CEP295NL: variants seen among roughly 807,000 people sequenced by gnomAD.
CEP295NL encodes the protein protein DDC8 homolog.
A neutral mutation model predicts 4.6 loss-of-function variants in CEP295NL; 3 were observed. The observed-to-expected ratio is 0.65, with a 90% CI of 0.30 to 1.69. The LOEUF (loss-of-function observed/expected upper bound fraction) is 1.69, where lower values mean the gene tolerates loss of function less well. Ranked by LOEUF, CEP295NL falls within the 40% of genes most tolerant of loss-of-function variation. CEP295NL has a pLI of 0.10. For missense variants in CEP295NL, 719 were observed against 769.0 expected (o/e 0.93, Z 0.77); for synonymous variants, 295 against 312.2 (o/e 0.94, Z 0.58).
In CEP295NL at chr17:78,892,248, G is replaced by C. The variant is rs372727694; in HGVS notation, c.256C>G (p.Arg86Gly). 6.4e-7 allele frequency: 1 copy of C among 1,550,848 alleles called. No homozygotes were observed. The highest frequency in any genetic ancestry group is 1.2e-5 in the South Asian group (1 of 84,064). Residue 86 changes from arginine to glycine, a missense_variant, in exon 3 of 3, where the codon CGG becomes GGG. Physicochemically the swap from Arg to Gly is moderately radical, Grantham distance 125. Coordinates refer to ENST00000322630, the MANE Select transcript of CEP295NL (RefSeq NM_001243540.2). ...TGCAGAGCGAGATCGCCTTTGCCCCGGGCTTGTAGCAATTTGTGCTTTTTC... is the reference window on the plus strand; with the variant it reads ...TGCAGAGCGAGATCGCCTTTGCCCCCGGCTTGTAGCAATTTGTGCTTTTTC... ...WRKKHKLLQA[R>G]GKGDLALQRR...
At chr17:78,900,110 T>C (rs971499858) in intron 2 of CEP295NL, 2 of 152,192 alleles carry the variant, frequency 1.3e-5, no homozygotes, top group African/African-American at 4.8e-5. Context: ...GCTTTTAAAA[T>C]GTAAAGAACA....
intron 2 of CEP295NL, among the ~76,000 whole-genome samples, chr17:78,893,787 C>G (rs2069956297): frequency 6.6e-6 from 1 of 152,102 alleles, no homozygotes; most frequent in Admixed American, 6.5e-5. Context: ...CAGAGAAGGA[C>G]TCTTCCAGGT....
At position 78,890,853 on chromosome 17, in the gene CEP295NL, C is replaced by T. The variant is rs1567999317; in HGVS notation, c.1651G>A (p.Ala551Thr). 1 of 1,550,578 alleles carries T rather than the reference C, an allele frequency of 6.4e-7. No homozygotes were observed. The highest frequency in any genetic ancestry group is 2.0e-5 in the Admixed American group (1 of 51,000). The change falls in exon 3 of 3, where the codon GCC becomes ACC. Residue 551 changes from alanine (A) to threonine (T), a missense_variant. Transcript: ENST00000322630. ...ERREQRRARL[A>T]HLKSSSTRAQ... ...CTCGTGGAGGAGGACTTCAGATGGG[C>T]CAGTCGAGCTCTTCTTTGCTCCCTC...
rs1246083660 is a variant in CEP295NL, at chr17:78,891,387, G to A, written c.1117C>T (p.Pro373Ser). 1.9e-6 allele frequency: 3 copies of A among 1,550,678 alleles called. No individual in the cohort carries two copies. Among genetic ancestry groups the A allele is most frequent in the East Asian group, 2.4e-5 (1 of 40,912 alleles). The change falls in exon 3 of 3, where the codon CCT (proline) becomes TCT (serine). Residue 373 changes from proline (P) to serine (S), a missense_variant. Physicochemically the swap from Pro to Ser is moderately conservative, Grantham distance 74 (BLOSUM62 -1). Coordinates refer to ENST00000322630, the MANE Select transcript of CEP295NL (RefSeq NM_001243540.2). The surrounding 1 kb of genome is among the most constrained non-coding windows in gnomAD (Gnocchi z 4.5). The part of the protein sequence containing the change: ...LALKPRMDQR[P>S]GEGHAFSEMQ... ...TCTGAGAAGGCATGCCCTTCCCCAGGTCTCTGGTCCATCCTGGGCTTCAGT... is the reference window on the plus strand; with the variant it reads ...TCTGAGAAGGCATGCCCTTCCCCAGATCTCTGGTCCATCCTGGGCTTCAGT...
In CEP295NL at chr17:78,892,420, G is replaced by C; in HGVS notation, c.84C>G (p.Gly28=). 1 of 1,550,028 alleles carries C rather than the reference G, an allele frequency of 6.5e-7. No homozygotes were observed. The highest frequency in any genetic ancestry group is 1.4e-5 in the African/African-American group (1 of 73,170). The change falls in exon 3 of 3, where the codon GGC becomes GGG. Residue 28 remains glycine (G), a synonymous_variant. Coordinates refer to ENST00000322630, the MANE Select transcript of CEP295NL (RefSeq NM_001243540.2). ...TGGAGGGTTCAAGGGGCGCCCCCGG[G>C]CCTGAGGAGCCACAGAAGCCACAAC... ...VERCGFCGSS[G]PGAPLEPSTL...
chr17:78,897,225 G>A (rs1471099820), intron 2 of CEP295NL: 1 of 153,276 alleles, frequency 6.5e-6, no homozygotes, highest in Non-Finnish European at 1.4e-5. Flanking sequence ...CCAGAATGGG[G>A]GCTCCACAGT....
chr17:78,890,602 T>C lies in CEP295NL; in HGVS notation c.*36A>G, dbSNP rs2145767477. On this transcript the variant is annotated 3_prime_UTR_variant, in exon 3 of 3. Transcript: ENST00000322630. Reference sequence around the variant, plus strand: ...GGTACCAGTGCTGGCAGCACCATTATCAGTGATGTATTTACCCCGGGTGGG... The same window carrying C: ...GGTACCAGTGCTGGCAGCACCATTACCAGTGATGTATTTACCCCGGGTGGG... 1 of 1,532,316 alleles carries C rather than the reference T, an allele frequency of 6.5e-7. No homozygotes were observed. The highest frequency in any genetic ancestry group is 8.8e-7 in the Non-Finnish European group (1 of 1,134,986). 94.9% of individuals were successfully genotyped at this position (1,532,316 alleles called of 1,614,324 possible). A position where few individuals can be genotyped will look rare whatever the true frequency, so the allele number is the denominator to read the frequency against.
At chr17:78,901,646 C>T (rs1370747355) in intron 2 of CEP295NL, 139 bp downstream of exon 2, 1 of 702,206 alleles carries the variant, frequency 1.4e-6, no homozygotes, top group Non-Finnish European at 2.6e-6. Flanking sequence ...TGACCTAGGC[C>T]AAGCGACTTC....
rs932392092 is a variant in CEP295NL, at chr17:78,896,734, C to T, written c.45-4275G>A. ...CGCGCTCGGAGCAGCAGAAGGAAGGCGAGTGGACACCAATCTGGCCTCCGG... is the reference window on the plus strand; with the variant it reads ...CGCGCTCGGAGCAGCAGAAGGAAGGTGAGTGGACACCAATCTGGCCTCCGG... On this transcript the variant is annotated intron_variant, in intron 2 of 2. Transcript: ENST00000322630. This position sits in a 1 kb window ranked among gnomAD's most constrained non-coding sequence, Gnocchi z 4.4. 3.3e-5 allele frequency among the ~76,000 whole-genome samples: 5 copies of T among 152,152 alleles called. 1 individual carries two copies. The South Asian group carries it at 8.3e-4, about 25-fold the overall frequency.
chr17:78,893,398 C>CGCGT (rs1216572988), intron 2 of CEP295NL, among the ~76,000 whole-genome samples: 4 of 53,172 alleles, frequency 7.5e-5, no homozygotes, highest in Admixed American at 1.9e-4. Flanking sequence ...GGTGTGTATG[C>CGCGT]AGGGGTGTGT....
rs935807728 is a variant in CEP295NL at position 78,896,757 on chromosome 17, C to T, written c.45-4298G>A. On this transcript the variant is annotated intron_variant, in intron 2 of 2. Transcript: ENST00000322630. This position sits in a 1 kb window ranked among gnomAD's most constrained non-coding sequence, Gnocchi z 4.4. The stretch of plus-strand genomic sequence containing the variant: ...GGCGAGTGGACACCAATCTGGCCTC[C>T]GGACGGCACCAGGGCCTCCCACAGA... 1.3e-5 allele frequency among the ~76,000 whole-genome samples: 2 copies of T among 152,120 alleles called. No homozygotes were observed. Among genetic ancestry groups the T allele is most frequent in the Admixed American group, 1.3e-4 (2 of 15,266 alleles).
intron 1 of CEP295NL, chr17:78,902,553 G>A (rs1278726815): frequency 6.6e-6 from 1 of 152,392 alleles, no homozygotes; most frequent in Non-Finnish European, 1.5e-5. Context: ...CCATATCCTG[G>A]GCTGGGTCAG....
chr17:78,890,718 T>TCTG lies in CEP295NL; in HGVS notation c.1783_1785dup (p.Gln595dup). On this transcript the variant is annotated inframe_insertion, in exon 3 of 3. Coordinates refer to ENST00000322630, the MANE Select transcript of CEP295NL (RefSeq NM_001243540.2). ...TTGTGCAACCTGTTTTGCTGTAAGA[T>TCTG]CTGCTGCTGCTGGTCTCGGATCATC... 6.4e-7 allele frequency: 1 copy of TCTG among 1,550,632 alleles called. No individual in the cohort carries two copies. Among genetic ancestry groups the TCTG allele is most frequent in the Non-Finnish European group, 8.7e-7 (1 of 1,146,994 alleles).
chr17:78,890,708 T>C lies in CEP295NL; in HGVS notation c.1796A>G (p.Gln599Arg), dbSNP rs1393973838. Residue 599 changes from glutamine to arginine, a missense_variant, in exon 3 of 3, where the codon CAA becomes CGA. Coordinates refer to ENST00000322630, the MANE Select transcript of CEP295NL (RefSeq NM_001243540.2). ...AAGAAACTGCTTGTGCAACCTGTTT[T>C]GCTGTAAGATCTGCTGCTGCTGGTC... ...IRDQQQQILQ[Q>R]NRLHKQFLEE... 1.9e-6 allele frequency: 3 copies of C among 1,550,504 alleles called. No individual in the cohort carries two copies. Among genetic ancestry groups the C allele is most frequent in the East Asian group, 2.4e-5 (1 of 40,928 alleles).
intron 2 of CEP295NL, 85 bp from the exon 3 acceptor site, chr17:78,892,544 T>C: frequency 6.8e-7 from 1 of 1,467,234 alleles, no homozygotes; most frequent in South Asian, 1.4e-5. Context: ...CACGGGATTC[T>C]CACTGTGAGG....
In CEP295NL at chr17:78,892,782, G is replaced by A. The variant is rs532112418; in HGVS notation, c.45-323C>T. Among the ~76,000 whole-genome samples, 7 of 152,254 alleles carry A rather than the reference G, an allele frequency of 4.6e-5. No homozygotes were observed. The South Asian group carries it at 8.3e-4, about 18-fold the overall frequency. ...TCCGGGCCTGCAGCTGGGTGGAGGC[G>A]AGGGAGGCTGCTGAATACCCCACAC... On this transcript the variant is annotated intron_variant, in intron 2 of 2. Transcript: ENST00000322630.
chr17:78,893,313 G>A (rs1265000824), intron 2 of CEP295NL, among the ~76,000 whole-genome samples: 1 of 148,606 alleles, frequency 6.7e-6, no homozygotes, highest in Non-Finnish European at 1.5e-5. Flanking sequence ...GGGTGTATGT[G>A]CAAGGGTGTG....
chr17:78,894,690 T>C (rs980425748), intron 2 of CEP295NL, among the ~76,000 whole-genome samples: 1 of 152,020 alleles, frequency 6.6e-6, no homozygotes, highest in Admixed American at 6.6e-5. Flanking sequence ...TCTACAACTA[T>C]AAACGCTTAG....
chr17:78,893,416 G>GAGGTATGTGTGCGTA (rs2084700517), intron 2 of CEP295NL, among the ~76,000 whole-genome samples: 1 of 112,348 alleles, frequency 8.9e-6, no homozygotes, highest in African/African-American at 5.0e-5. Flanking sequence ...TGTGTGCATA[G>GAGGTATGTGTGCGTA]GGGTGTGTGT....
Sources: gnomAD v4.1 joint callset for allele counts (sites outside exome capture counted in the v4.1 genomes callset) on GRCh38, gnomAD v4.1.1 for gene constraint, Gnocchi (gnomAD v3.1) non-coding constraint, MANE v1.5 for transcripts, NCBI Gene and HGNC (gene_info 2026-07-23, HGNC 2026-07-21) for gene names.